RARS2: variants seen among roughly 807,000 people sequenced by gnomAD.
RARS2 encodes arginyl-tRNA synthetase 2, mitochondrial.
A neutral mutation model predicts 88.5 loss-of-function variants in RARS2; 67 were observed. The ratio of observed to expected loss-of-function variants is 0.76; its 90% CI spans 0.62 to 0.93. RARS2 has a LOEUF of 0.93. Ranked by LOEUF, RARS2 falls within the 40% of genes least tolerant of loss-of-function variation. The probability of loss-of-function intolerance (pLI) is 0.00; values close to 1 mark genes in which losing one functional copy is unlikely to be tolerated. For synonymous variants in RARS2, 239 were observed against 230.3 expected, an observed-to-expected ratio of 1.04 and a Z score of -0.34; for missense variants, 664 against 684.2, an observed-to-expected ratio of 0.97 and a Z score of 0.33.
intron 2 of RARS2, among the ~76,000 whole-genome samples, chr6:87,568,998 C>G (rs1207245322): frequency 1.3e-5 from 2 of 152,170 alleles, no homozygotes; most frequent in Non-Finnish European, 2.9e-5. Flanking sequence ...AGATACCTCT[C>G]TGTAACTGAG....
chr6:87,552,642 G>A (rs1033735469), intron 5 of RARS2, among the ~76,000 whole-genome samples: 16 of 152,204 alleles, frequency 1.1e-4, no homozygotes, highest in African/African-American at 3.6e-4. Flanking sequence ...ATAAAAAAAA[G>A]GAGCAGTATA....
At chr6:87,557,706 T>G (rs1011720503) in intron 4 of RARS2, among the ~76,000 whole-genome samples, 1 of 152,230 alleles carries the variant, frequency 6.6e-6, no homozygotes, top group East Asian at 1.9e-4. Context: ...ACTCCCTTCT[T>G]GCAACTATCC....
At chr6:87,540,927 C>CT (rs1352620494) in intron 8 of RARS2, among the ~76,000 whole-genome samples, 14 of 151,982 alleles carry the variant, frequency 9.2e-5, no homozygotes, top group African/African-American at 3.4e-4. Flanking sequence ...AATAGACATG[C>CT]TGTCCCCCAC....
Position 87,518,218 on chromosome 6 carries a change from C to T in RARS2, c.1462G>A (p.Ala488Thr). 6.2e-7 allele frequency: 1 copy of T among 1,614,134 alleles called. No homozygotes were observed. Among genetic ancestry groups the T allele is most frequent in the Non-Finnish European group, 8.5e-7 (1 of 1,180,016 alleles). ...GCGYLNDFNT[A>T]CLQEPQSVSI... is the part of the protein sequence containing the mutation. Reference sequence around the variant, plus strand: ...ACAGACTGTGGCTCTTGTAAACAAGCAGTGTTGAAGTCATTCAGGTACCCA... The same window carrying T: ...ACAGACTGTGGCTCTTGTAAACAAGTAGTGTTGAAGTCATTCAGGTACCCA... Residue 488 changes from alanine to threonine, a missense_variant, in exon 17 of 20, where the codon GCT becomes ACT. Coordinates refer to ENST00000369536, the MANE Select transcript of RARS2 (RefSeq NM_020320.5).
At chr6:87,537,959 TTAAA>T (rs1779710178) in intron 8 of RARS2, among the ~76,000 whole-genome samples, 1 of 152,204 alleles carries the variant, frequency 6.6e-6, no homozygotes, top group African/African-American at 2.4e-5. Flanking sequence ...CTTTCAATTA[TTAAA>T]TAAATTGAGT....
rs980996312 is a variant in RARS2, at chr6:87,521,467, A to C, written c.1032T>G (p.Tyr344Ter). Reference protein sequence around the residue: ...MDKYNFDTMIYVTDKGQKKHF... With the variant: ...MDKYNFDTMI Reference sequence around the variant, plus strand: ...ACTTTTTGTTCTGATTACTTACCACATATATCATTGTATCAAAATTATACT... The same window carrying C: ...ACTTTTTGTTCTGATTACTTACCACCTATATCATTGTATCAAAATTATACT... The change falls in exon 12 of 20, where the codon TAT becomes TAG. Residue 344 changes from tyrosine to a stop codon, truncating the protein, a stop_gained. Coordinates refer to ENST00000369536, the MANE Select transcript of RARS2 (RefSeq NM_020320.5). LOFTEE classifies it high-confidence loss of function. 6.2e-7 allele frequency: 1 copy of C among 1,600,252 alleles called. No homozygotes were observed. Among genetic ancestry groups the C allele is most frequent in the Non-Finnish European group, 8.6e-7 (1 of 1,167,822 alleles).
chr6:87,529,788 G>A, intron 9 of RARS2, 140 bp from the exon 10 acceptor site: 1 of 677,082 alleles, frequency 1.5e-6, no homozygotes. Flanking sequence ...GAGTGTGGTG[G>A]CTCATGCCCA....
At chr6:87,557,744 C>G (rs1205687359) in intron 4 of RARS2, among the ~76,000 whole-genome samples, 1 of 152,040 alleles carries the variant, frequency 6.6e-6, no homozygotes, top group Non-Finnish European at 1.5e-5. Context: ...AGACACAATT[C>G]TCTCTCAACT....
intron 1 of RARS2, among the ~76,000 whole-genome samples, chr6:87,588,857 A>G (rs1028497635): frequency 6.6e-6 from 1 of 152,180 alleles, no homozygotes; most frequent in African/African-American, 2.4e-5. Flanking sequence ...ACCCATCAGT[A>G]AAATCTGACC....
intron 8 of RARS2, among the ~76,000 whole-genome samples, chr6:87,539,858 A>AT (rs1266460787): frequency 6.6e-6 from 1 of 152,170 alleles, no homozygotes; most frequent in African/African-American, 2.4e-5. Flanking sequence ...CTAAATAAAC[A>AT]TTTTTACATA....
intron 8 of RARS2, among the ~76,000 whole-genome samples, chr6:87,534,087 T>C (rs1165858507): frequency 3.5e-5 from 4 of 115,538 alleles, no homozygotes; most frequent in Non-Finnish European, 5.4e-5. Context: ...AACAACTTCA[T>C]TATGTTTAAT....
intron 12 of RARS2, 61 bp from the exon 13 acceptor site, chr6:87,520,317 T>G: frequency 1.5e-6 from 2 of 1,324,644 alleles, no homozygotes; most frequent in African/African-American, 2.9e-5. Flanking sequence ...TAAAAATAGG[T>G]TGGACTTGAA....
chr6:87,537,149 G>C (rs1779430024), intron 8 of RARS2, among the ~76,000 whole-genome samples: 1 of 152,242 alleles, frequency 6.6e-6, no homozygotes, highest in Non-Finnish European at 1.5e-5. Flanking sequence ...TTAGAGGAAG[G>C]CAGGCCATAA....
intron 1 of RARS2, among the ~76,000 whole-genome samples, chr6:87,571,252 G>A (rs938734426): frequency 3.3e-5 from 5 of 152,036 alleles, no homozygotes; most frequent in Non-Finnish European, 5.9e-5. Flanking sequence ...CCCACCCTTC[G>A]CTCAACACTT....
chr6:87,519,864 C>T (rs776605391), intron 13 of RARS2, among the ~76,000 whole-genome samples, 157 bp from the exon 14 acceptor site: 1 of 152,084 alleles, frequency 6.6e-6, no homozygotes, highest in East Asian at 1.9e-4. Context: ...CTACAAAGGA[C>T]GTTAAGCACA....
At chr6:87,570,157 G>C (rs146337375) in intron 1 of RARS2, among the ~76,000 whole-genome samples, 1 of 152,076 alleles carries the variant, frequency 6.6e-6, no homozygotes, top group Non-Finnish European at 1.5e-5. Context: ...AGAATAGCGG[G>C]GTGGATGTGT....
At chr6:87,558,448 A>G (rs1786701004) in intron 4 of RARS2, among the ~76,000 whole-genome samples, 1 of 152,180 alleles carries the variant, frequency 6.6e-6, no homozygotes, top group South Asian at 2.1e-4. Context: ...CATTACAGTT[A>G]TTTAATAACT....
Position 87,551,626 on chromosome 6 carries a change from C to CAAAAAAA in RARS2, c.396-2987_396-2981dup, listed in dbSNP as rs71018036. Among the ~76,000 whole-genome samples, 124 of 65,098 alleles carry CAAAAAAA rather than the reference C, an allele frequency of 1.9e-3. 4 individuals carry two copies. The highest frequency in any genetic ancestry group is 3.3e-3 in the African/African-American group (51 of 15,526). 42.7% of individuals were successfully genotyped at this position (65,098 alleles called of 152,430 possible). On this transcript the variant is annotated intron_variant, in intron 5 of 19. Coordinates refer to ENST00000369536, the MANE Select transcript of RARS2 (RefSeq NM_020320.5). Reference sequence around the variant, plus strand: ...GCGAGACAGCAAGACTCCGTCTCAACAAAAAAAAAAAAAAAAAAAAAAAGA... The same window carrying CAAAAAAA: ...GCGAGACAGCAAGACTCCGTCTCAACAAAAAAAAAAAAAAAAAAAAAAAAAAAAAAGA...
intron 5 of RARS2, 54 bp from the exon 6 acceptor site, chr6:87,548,700 A>T: frequency 6.6e-7 from 1 of 1,515,932 alleles, no homozygotes; most frequent in Non-Finnish European, 9.1e-7. Context: ...ACTTCTAAGA[A>T]TCAACTAGGT....
Sources: gnomAD v4.1 joint callset for allele counts (sites outside exome capture counted in the v4.1 genomes callset) on GRCh38, gnomAD v4.1.1 for gene constraint, MANE v1.5 for transcripts, NCBI Gene and HGNC (gene_info 2026-07-23, HGNC 2026-07-21) for gene names.